Variants in CRTAM observed in about 807,000 individuals in gnomAD.
CRTAM encodes cytotoxic and regulatory T cell molecule, also known as cytotoxic and regulatory T-cell molecule.
Under a neutral mutation model 50.0 loss-of-function variants are expected in CRTAM, and 44 were observed. The ratio of observed to expected loss-of-function variants is 0.88; its 90% CI spans 0.69 to 1.13. The LOEUF is 1.13. Ranked by LOEUF, CRTAM falls within the 50% of genes most tolerant of loss-of-function variation. The pLI, the probability that CRTAM is intolerant of heterozygous loss-of-function variation, is 0.00. For synonymous variants in CRTAM, 159 were observed against 169.3 expected, an observed-to-expected ratio of 0.94 and a Z score of 0.47; for missense variants, 448 against 457.5, an observed-to-expected ratio of 0.98 and a Z score of 0.19.
intron 1 of CRTAM, among the ~76,000 whole-genome samples, chr11:122,846,070 C>A (rs1861859159): frequency 6.6e-6 from 1 of 151,992 alleles, no homozygotes; most frequent in Non-Finnish European, 1.5e-5. Flanking sequence ...AGAGATGGAG[C>A]AACACAGAAG....
chr11:122,868,710 G>T (rs972759674), intron 9 of CRTAM, among the ~76,000 whole-genome samples: 10 of 152,060 alleles, frequency 6.6e-5, no homozygotes, highest in African/African-American at 1.9e-4. Context: ...TTAAGTAGTC[G>T]CCTTTAAAAA....
At chr11:122,867,624 C>A in intron 8 of CRTAM, 69 bp downstream of exon 8, 2 of 1,491,920 alleles carry the variant, frequency 1.3e-6, no homozygotes, top group South Asian at 1.2e-5. Context: ...AAGGGAAATT[C>A]TGTCCATTAA....
chr11:122,871,066 G>A (rs914988241), intron 9 of CRTAM, among the ~76,000 whole-genome samples: 2 of 151,854 alleles, frequency 1.3e-5, no homozygotes, highest in Non-Finnish European at 2.9e-5. Context: ...GTGGCAGAGT[G>A]AGAACCTGTC....
chr11:122,841,295 A>G (rs1245831924), intron 1 of CRTAM, among the ~76,000 whole-genome samples: 1 of 152,166 alleles, frequency 6.6e-6, no homozygotes, highest in Non-Finnish European at 1.5e-5. Flanking sequence ...AATGCATTGC[A>G]TGTCTCTGGC....
At chr11:122,871,195 A>G (rs759958591) in intron 9 of CRTAM, 74 bp from the exon 10 acceptor site, 3 of 1,366,052 alleles carry the variant, frequency 2.2e-6, no homozygotes, top group Admixed American at 4.2e-5. Context: ...ATGATATCCA[A>G]TCAAAGTGTT....
At chr11:122,862,045 T>G (rs74378971) in intron 5 of CRTAM, among the ~76,000 whole-genome samples, 2,754 of 152,304 alleles carry the variant, frequency 0.018, 40 homozygotes, top group Non-Finnish European at 0.029. Flanking sequence ...GTCGGGTATC[T>G]TGTCCAACTC....
rs1308999770 is a variant in CRTAM at position 122,867,459 on chromosome 11, C to T, written c.868C>T (p.Leu290=). Residue 290 remains leucine (L), a synonymous_variant, in exon 8 of 10, where the codon CTG becomes TTG. Transcript: ENST00000227348. ...GGCAAGAAAGAAAAGTGGCATCCTGCTGCTCACGCTGGTGTCCTTCCTCAT... is the reference window on the plus strand; with the variant it reads ...GGCAAGAAAGAAAAGTGGCATCCTGTTGCTCACGCTGGTGTCCTTCCTCAT... ...GLARKKSGIL[L]LTLVSFLIFI... is the part of the protein sequence containing the mutation. 6.2e-7 allele frequency: 1 copy of T among 1,613,888 alleles called. No homozygotes were observed. The highest frequency in any genetic ancestry group is 1.3e-5 in the African/African-American group (1 of 74,908).
chr11:122,856,684 T>C (rs1165954913), intron 5 of CRTAM, among the ~76,000 whole-genome samples: 1 of 152,268 alleles, frequency 6.6e-6, no homozygotes, highest in Non-Finnish European at 1.5e-5. Context: ...AAATCGCTGA[T>C]GCTGAAAGGC....
intron 1 of CRTAM, among the ~76,000 whole-genome samples, chr11:122,841,404 ATT>A (rs35383058): frequency 0.056 from 8,039 of 143,336 alleles, 682 homozygotes; most frequent in African/African-American, 0.19. Context: ...CTTTTACTCT[ATT>A]TTTTTTTTTT....
At position 122,871,471 on chromosome 11, in the gene CRTAM, G is replaced by A; in HGVS notation, c.*72G>A. On this transcript the variant is annotated 3_prime_UTR_variant, in exon 10 of 10. Transcript: ENST00000227348. ...CCTCAGTGGACCAGCCTGGGGGAAG[G>A]AGCTTAATTGCTGAGACATTAATAA... 3 of 1,355,008 alleles carry A rather than the reference G, an allele frequency of 2.2e-6. No homozygotes were observed. The highest frequency in any genetic ancestry group is 3.0e-6 in the Non-Finnish European group (3 of 985,192). The allele number at this position is 1,355,008 out of a possible 1,614,324, so 83.9% of individuals were successfully genotyped here.
chr11:122,851,328 A>G (rs1861926380), intron 2 of CRTAM, among the ~76,000 whole-genome samples: 2 of 152,218 alleles, frequency 1.3e-5, no homozygotes, highest in Non-Finnish European at 2.9e-5. Context: ...GTTAACATAA[A>G]GAAATATATT....
rs145001463 is a variant in CRTAM at position 122,870,672 on chromosome 11, A to G, written c.1052-597A>G. Among the ~76,000 whole-genome samples, 7 of 152,302 alleles carry G rather than the reference A, an allele frequency of 4.6e-5. No individual in the cohort carries two copies. The East Asian group carries it at 1.2e-3, about 25-fold the overall frequency. On this transcript the variant is annotated intron_variant, in intron 9 of 9. Coordinates refer to ENST00000227348, the MANE Select transcript of CRTAM (RefSeq NM_019604.4). ...TAAGCCCTGTTATTTCTAGTGTGCA[A>G]TTTTGCTAAGGCAATATGTTATGGT...
In CRTAM at chr11:122,862,386, T is replaced by C. The variant is rs943692053; in HGVS notation, c.653-78T>C. ...AAGCAGGTAGCCGCTAAATATATTC[T>C]CCAATCTCTTTTACTGAGCACAATG... On this transcript the variant is annotated intron_variant, in intron 5 of 9. Coordinates refer to ENST00000227348, the MANE Select transcript of CRTAM (RefSeq NM_019604.4). 1.1e-5 allele frequency: 10 copies of C among 902,986 alleles called. No individual in the cohort carries two copies. The African/African-American group carries it at 1.1e-4, about 10-fold the overall frequency. 55.9% of individuals were successfully genotyped at this position (902,986 alleles called of 1,614,324 possible).
chr11:122,854,462 C>A (rs967968303), intron 4 of CRTAM, among the ~76,000 whole-genome samples: 5 of 152,022 alleles, frequency 3.3e-5, no homozygotes, highest in African/African-American at 1.2e-4. Context: ...CACCTGAGGT[C>A]AGGAGTTCGA....
chr11:122,853,602 A>G (rs1042103599), intron 3 of CRTAM, among the ~76,000 whole-genome samples: 3 of 151,522 alleles, frequency 2.0e-5, no homozygotes, highest in African/African-American at 4.8e-5. Context: ...GGGCGGATCA[A>G]TTGAGGTCTG....
At chr11:122,850,270 C>T in intron 2 of CRTAM, 56 bp downstream of exon 2, 8 of 1,502,714 alleles carry the variant, frequency 5.3e-6, no homozygotes, top group Non-Finnish European at 7.2e-6. Context: ...AGGGTTTTTC[C>T]AGCCGGACAG....
At chr11:122,857,284 C>T (rs1487477221) in intron 5 of CRTAM, among the ~76,000 whole-genome samples, 2 of 152,192 alleles carry the variant, frequency 1.3e-5, no homozygotes, top group Non-Finnish European at 2.9e-5. Context: ...GTCTGGCCAA[C>T]ATGGCAAAAC....
At chr11:122,842,906 T>C (rs1047760842) in intron 1 of CRTAM, among the ~76,000 whole-genome samples, 4 of 152,194 alleles carry the variant, frequency 2.6e-5, no homozygotes, top group Non-Finnish European at 4.4e-5. Context: ...CGAGTTCCAA[T>C]GGGACATGTA....
Position 122,871,336 on chromosome 11 carries a change from G to A in CRTAM, c.1119G>A (p.Lys373=), listed in dbSNP as rs1289680010. 1.9e-6 allele frequency: 3 copies of A among 1,613,714 alleles called. No individual in the cohort carries two copies. Among genetic ancestry groups the A allele is most frequent in the Non-Finnish European group, 2.5e-6 (3 of 1,179,694 alleles). The stretch of plus-strand genomic sequence containing the variant: ...ACTCAGAAGCAAAAACAAAGAGGAA[G>A]GAAAATGTACAACATTCAAAATTAG... ...KLYSEAKTKR[K]ENVQHSKLEE... is the part of the protein sequence containing the mutation. Residue 373 remains lysine, a synonymous_variant, in exon 10 of 10, where the codon AAG becomes AAA. Transcript: ENST00000227348.
Sources: allele counts gnomAD v4.1 joint callset (sites outside exome capture counted in the v4.1 genomes callset), GRCh38; gene constraint gnomAD v4.1.1; transcripts MANE v1.5; gene names NCBI Gene and HGNC (gene_info 2026-07-23, HGNC 2026-07-21).